The following ANK3 variants were observed in gnomAD, a reference collection of about 807,000 sequenced individuals.
ANK3 encodes the protein ankyrin 3, also known as ankyrin-3.
A neutral mutation model predicts 370.9 loss-of-function variants in ANK3; 57 were observed. That is an observed-to-expected ratio of 0.15 (90% CI 0.12 to 0.19). ANK3 has a LOEUF of 0.19. Among genes scored for constraint, ANK3 ranks in the 10% least tolerant of loss-of-function variants. The pLI, the probability that ANK3 is intolerant of heterozygous loss-of-function variation, is 1.00. For synonymous variants in ANK3, 1,929 were observed against 1,946.3 expected (o/e 0.99, Z 0.23); for missense variants, 4,439 against 5,302.1 (o/e 0.84, Z 5.06).
At chr10:60,185,805 C>A (rs548732446) in intron 17 of ANK3, among the ~76,000 whole-genome samples, 12 of 152,130 alleles carry the variant, frequency 7.9e-5, no homozygotes, top group Non-Finnish European at 1.0e-4. Context: ...AAATTTGATA[C>A]ATACAGGGAG....
chr10:60,260,588 G>A (rs548751230), intron 7 of ANK3, among the ~76,000 whole-genome samples: 1 of 152,154 alleles, frequency 6.6e-6, no homozygotes, highest in East Asian at 1.9e-4. Context: ...CATGTTGGAG[G>A]TGCAGTCTGG....
At chr10:60,553,028 G>A (rs1005926617) in intron 2 of ANK3, among the ~76,000 whole-genome samples, 1 of 152,134 alleles carries the variant, frequency 6.6e-6, no homozygotes, top group African/African-American at 2.4e-5. Context: ...TAAGTCTAAT[G>A]AACTTCTTTC....
intron 1 of ANK3, among the ~76,000 whole-genome samples, chr10:60,645,346 A>T (rs991464132): frequency 1.3e-5 from 2 of 152,172 alleles, no homozygotes; most frequent in African/African-American, 4.8e-5. Flanking sequence ...GACATGAGTA[A>T]TTTTTCTCAG....
chr10:60,429,585 G>A (rs950060237), intron 2 of ANK3, among the ~76,000 whole-genome samples: 13 of 152,176 alleles, frequency 8.5e-5, no homozygotes, highest in Non-Finnish European at 1.3e-4. Flanking sequence ...GAATAGAGAT[G>A]AACAGTGGGA....
intron 23 of ANK3, among the ~76,000 whole-genome samples, chr10:60,149,043 C>A (rs1035289505): frequency 6.6e-6 from 1 of 152,186 alleles, no homozygotes; most frequent in Non-Finnish European, 1.5e-5. Flanking sequence ...GTATAAACAG[C>A]GATTTTGGCC....
intron 1 of ANK3, among the ~76,000 whole-genome samples, chr10:60,337,205 A>C (rs2053197712): frequency 1.3e-5 from 2 of 152,154 alleles, no homozygotes; most frequent in Admixed American, 1.3e-4. Context: ...AAAGTCCTTA[A>C]GTCCAGATGA....
intron 2 of ANK3, among the ~76,000 whole-genome samples, chr10:60,509,567 A>C (rs1240840388): frequency 1.3e-5 from 2 of 152,178 alleles, no homozygotes; most frequent in East Asian, 3.9e-4. Context: ...TCATGAGTTA[A>C]GACATAAAGT....
chr10:60,595,108 A>G (rs2077968796), intron 2 of ANK3, among the ~76,000 whole-genome samples: 2 of 152,062 alleles, frequency 1.3e-5, no homozygotes, highest in Non-Finnish European at 2.9e-5. Flanking sequence ...TGGAAAATCT[A>G]TTTTTTTTAA....
At chr10:60,080,021 G>A (rs1471938500) in intron 36 of ANK3, among the ~76,000 whole-genome samples, 2 of 152,028 alleles carry the variant, frequency 1.3e-5, no homozygotes, top group Non-Finnish European at 2.9e-5. Context: ...GAGGGAGGGA[G>A]GGAGGAAAGA....
chr10:60,055,734 C>A lies in ANK3; in HGVS notation c.12989G>T (p.Ser4330Ile), dbSNP rs147318982. ...CTTGCCATCTGCTGGAGAAGTCCTA[C>A]TCATCTTTTTCATACTGACAGGCAC... ...PCVPVSMKKM[S>I]RTSPADGKPR... is the part of the protein sequence containing the mutation. The change falls in exon 42 of 44, where the codon AGT becomes ATT. Residue 4330 changes from serine to isoleucine, a missense_variant. Ser to Ile is a moderately radical substitution (Grantham distance 142). Coordinates refer to ENST00000280772, the MANE Select transcript of ANK3 (RefSeq NM_020987.5). The A allele has an allele frequency of 6.8e-6, 11 of 1,614,034 alleles. No individual in the cohort carries two copies. The African/African-American group carries it at 1.3e-4, about 20-fold the overall frequency.
intron 1 of ANK3, among the ~76,000 whole-genome samples, chr10:60,664,050 T>G (rs542272293): frequency 1.2e-4 from 18 of 152,332 alleles, no homozygotes; most frequent in African/African-American, 4.3e-4. Flanking sequence ...GGAACATAAA[T>G]GCAGTCTACT....
At chr10:60,037,242 G>A (rs955313632) in intron 43 of ANK3, among the ~76,000 whole-genome samples, 3 of 152,012 alleles carry the variant, frequency 2.0e-5, no homozygotes, top group Admixed American at 6.6e-5. Context: ...TAGATAGTCC[G>A]TGCTCTTGTG....
chr10:60,709,837 A>G (rs1367755176), intron 1 of ANK3, among the ~76,000 whole-genome samples: 2 of 151,888 alleles, frequency 1.3e-5, no homozygotes, highest in Non-Finnish European at 2.9e-5. Context: ...CAAAAAAAAA[A>G]AAAAGAAAAG....
intron 1 of ANK3, among the ~76,000 whole-genome samples, chr10:60,326,481 A>G (rs1167736850): frequency 6.6e-6 from 1 of 151,938 alleles, no homozygotes. Context: ...AGTATCTATC[A>G]TTGCTTTTTT....
intron 1 of ANK3, among the ~76,000 whole-genome samples, chr10:60,384,221 T>C (rs965113708): frequency 1.2e-4 from 19 of 152,224 alleles, no homozygotes; most frequent in African/African-American, 4.6e-4. Flanking sequence ...CACACTGTTA[T>C]GTTGTCATTA....
At chr10:60,209,634 A>G (rs1359850121) in intron 9 of ANK3, among the ~76,000 whole-genome samples, 1 of 152,232 alleles carries the variant, frequency 6.6e-6, no homozygotes, top group Non-Finnish European at 1.5e-5. Flanking sequence ...AAATATTTTA[A>G]ACCGTAGAAA....
chr10:60,493,550 A>G (rs971266766), intron 2 of ANK3, among the ~76,000 whole-genome samples: 1 of 152,136 alleles, frequency 6.6e-6, no homozygotes, highest in Non-Finnish European at 1.5e-5. Flanking sequence ...TAGGGGATTG[A>G]GACTTTTAGG....
intron 1 of ANK3, among the ~76,000 whole-genome samples, chr10:60,319,688 A>C (rs748835151): frequency 6.4e-4 from 97 of 152,308 alleles, no homozygotes; most frequent in Non-Finnish European, 1.2e-3. Flanking sequence ...ACCCACAGGT[A>C]ACTGGCAAAG....
At chr10:60,625,291 G>A (rs532705584) in intron 1 of ANK3, among the ~76,000 whole-genome samples, 105 of 152,266 alleles carry the variant, frequency 6.9e-4, no homozygotes, top group African/African-American at 2.3e-3. Context: ...ACCCCACAGA[G>A]CCATGAGAGA....
Sources: allele counts gnomAD v4.1 joint callset (sites outside exome capture counted in the v4.1 genomes callset), GRCh38; gene constraint gnomAD v4.1.1; transcripts MANE v1.5; gene names NCBI Gene and HGNC (gene_info 2026-07-23, HGNC 2026-07-21).